Variants in PDZD8 observed in about 807,000 individuals in gnomAD.
PDZD8 encodes PDZ domain-containing protein 8.
A neutral mutation model predicts 85.8 loss-of-function variants in PDZD8; 14 were observed. That is an observed-to-expected ratio of 0.16 (90% CI 0.11 to 0.26). The LOEUF (loss-of-function observed/expected upper bound fraction) is 0.26. Among genes scored for constraint, PDZD8 ranks in the 10% least tolerant of loss-of-function variants. The pLI is 1.00. For missense variants in PDZD8, 1,197 were observed against 1,424.3 expected, an observed-to-expected ratio of 0.84 and a Z score of 2.57; for synonymous variants, 592 against 568.6, an observed-to-expected ratio of 1.04 and a Z score of -0.59.
At chr10:117,287,266 C>T (rs1460776395) in intron 4 of PDZD8, among the ~76,000 whole-genome samples, 1 of 150,560 alleles carries the variant, frequency 6.6e-6, no homozygotes, top group Non-Finnish European at 1.5e-5. Flanking sequence ...GTTCTGATCA[C>T]CTCTCCTCTA....
chr10:117,375,360 C>T lies in PDZD8; in HGVS notation c.-133G>A, dbSNP rs1222179760. 2 of 662,038 alleles carry T rather than the reference C, an allele frequency of 3.0e-6. No homozygotes were observed. Among genetic ancestry groups the T allele is most frequent in the South Asian group, 8.7e-5 (2 of 22,936 alleles). The allele number at this position is 662,038 out of a possible 1,614,324, so 41.0% of individuals were successfully genotyped here. A position where few individuals can be genotyped will look rare whatever the true frequency, so the allele number is the denominator to read the frequency against. On this transcript the variant is annotated 5_prime_UTR_variant, in exon 1 of 5. Coordinates refer to ENST00000334464, the MANE Select transcript of PDZD8 (RefSeq NM_173791.5). ...GGGCGAGCGGCTCCGTGGGCCTCGT[C>T]CAGGGGCTCGGGCCGGCGCGCTGCG...
chr10:117,367,108 A>G (rs954756366), intron 1 of PDZD8, among the ~76,000 whole-genome samples: 4 of 152,186 alleles, frequency 2.6e-5, no homozygotes, highest in African/African-American at 9.6e-5. Flanking sequence ...CTTGTACATT[A>G]CTGATTTGAA....
At chr10:117,294,173 A>G (rs965388649) in intron 3 of PDZD8, among the ~76,000 whole-genome samples, 4 of 152,146 alleles carry the variant, frequency 2.6e-5, no homozygotes, top group African/African-American at 9.6e-5. Flanking sequence ...AATAAAGAAC[A>G]GAAACCAATG....
chr10:117,315,104 T>C (rs974978304), intron 3 of PDZD8, among the ~76,000 whole-genome samples: 1 of 152,142 alleles, frequency 6.6e-6, no homozygotes, highest in African/African-American at 2.4e-5. Flanking sequence ...CCAGAGCCCA[T>C]TTTCATGGTA....
chr10:117,319,570 G>A (rs575047907), intron 2 of PDZD8, among the ~76,000 whole-genome samples: 1 of 152,102 alleles, frequency 6.6e-6, no homozygotes, highest in South Asian at 2.1e-4. Context: ...TGCACACAAG[G>A]CATTTAGCAT....
intron 2 of PDZD8, among the ~76,000 whole-genome samples, chr10:117,334,071 C>T (rs1844474861): frequency 6.6e-6 from 1 of 152,162 alleles, no homozygotes; most frequent in Non-Finnish European, 1.5e-5. Context: ...TCAAATTCTT[C>T]CACAGATTGT....
In PDZD8 at chr10:117,374,230, A is replaced by C; in HGVS notation, c.872+126T>G. 1 of 1,406,696 alleles carries C rather than the reference A, an allele frequency of 7.1e-7. No individual in the cohort carries two copies. Among genetic ancestry groups the C allele is most frequent in the Non-Finnish European group, 9.5e-7 (1 of 1,047,156 alleles). 87.1% of individuals were successfully genotyped at this position (1,406,696 alleles called of 1,614,324 possible). On this transcript the variant is annotated intron_variant, in intron 1 of 4. Coordinates refer to ENST00000334464, the MANE Select transcript of PDZD8 (RefSeq NM_173791.5). The surrounding 1 kb of genome is among the most constrained non-coding windows in gnomAD (Gnocchi z 7.8). ...CTCGCCTTGATCTGGGGCCCTGTCC[A>C]GGGTGGGAAGGCCCCAGAAGCAGGC...
At chr10:117,313,266 C>T (rs953452776) in intron 3 of PDZD8, among the ~76,000 whole-genome samples, 7 of 152,048 alleles carry the variant, frequency 4.6e-5, no homozygotes, top group Non-Finnish European at 1.0e-4. Context: ...AAAATATATA[C>T]CAGATTTCAA....
At chr10:117,372,567 A>C (rs572161304) in intron 1 of PDZD8, among the ~76,000 whole-genome samples, 42 of 152,314 alleles carry the variant, frequency 2.8e-4, no homozygotes, top group Admixed American at 5.2e-4. Context: ...ACTTTTTCTC[A>C]TGACTTTTTT....
chr10:117,358,188 C>CTTA (rs1049065669), intron 1 of PDZD8, among the ~76,000 whole-genome samples: 17 of 152,220 alleles, frequency 1.1e-4, no homozygotes, highest in African/African-American at 4.1e-4. Flanking sequence ...GTTCTGTAAT[C>CTTA]TTAGAGACCT....
chr10:117,341,177 T>A, intron 1 of PDZD8, 75 bp from the exon 2 acceptor site: 1 of 1,489,842 alleles, frequency 6.7e-7, no homozygotes, highest in Non-Finnish European at 9.2e-7. Context: ...AACTCACCTG[T>A]ACAAAAACAC....
At chr10:117,316,810 T>C (rs765341326) in intron 3 of PDZD8, among the ~76,000 whole-genome samples, 2 of 152,184 alleles carry the variant, frequency 1.3e-5, no homozygotes, top group Non-Finnish European at 2.9e-5. Flanking sequence ...GCAGAAAAAT[T>C]AAAATGGCTT....
Position 117,279,807 on chromosome 10 carries a change from A to G in PDZD8, c.*3461T>C, listed in dbSNP as rs1163787419. The G allele has an allele frequency of 1.3e-5, 2 of 152,172 alleles. No homozygotes were observed. The highest frequency in any genetic ancestry group is 2.4e-5 in the African/African-American group (1 of 41,446). The allele number at this position is 152,172 out of a possible 1,614,324, so 9.4% of individuals were successfully genotyped here. A position where few individuals can be genotyped will look rare whatever the true frequency, so the allele number is the denominator to read the frequency against. Reference sequence around the variant, plus strand: ...CTGATACATTTTGAATGGTGTGCCCATGGGTATCTTCCTGCGGTGAAAGTC... The same window carrying G: ...CTGATACATTTTGAATGGTGTGCCCGTGGGTATCTTCCTGCGGTGAAAGTC... On this transcript the variant is annotated 3_prime_UTR_variant, in exon 5 of 5. Transcript: ENST00000334464.
chr10:117,363,217 G>A (rs1455667356), intron 1 of PDZD8, among the ~76,000 whole-genome samples: 2 of 152,058 alleles, frequency 1.3e-5, no homozygotes, highest in African/African-American at 4.8e-5. Flanking sequence ...TAGTAAGACC[G>A]TATAGTCAGC....
intron 3 of PDZD8, among the ~76,000 whole-genome samples, chr10:117,318,132 G>C (rs1844162115): frequency 1.3e-5 from 2 of 152,062 alleles, no homozygotes; most frequent in African/African-American, 2.4e-5. Context: ...TGTAGTACTG[G>C]GTACATGCTT....
chr10:117,324,344 A>T (rs1844279898), intron 2 of PDZD8, among the ~76,000 whole-genome samples: 1 of 152,032 alleles, frequency 6.6e-6, no homozygotes, highest in Non-Finnish European at 1.5e-5. Flanking sequence ...CAAAATTTGT[A>T]AGAGATTCCT....
rs1490516128 is a variant in PDZD8 at position 117,284,281 on chromosome 10, C to T, written c.2452G>A (p.Val818Ile). The T allele has an allele frequency of 6.2e-7, 1 of 1,614,064 alleles. No homozygotes were observed. The change falls in exon 5 of 5, where the codon GTT becomes ATT. Residue 818 changes from valine (V) to isoleucine (I), a missense_variant. Physicochemically the swap from Val to Ile is conservative, Grantham distance 29. Coordinates refer to ENST00000334464, the MANE Select transcript of PDZD8 (RefSeq NM_173791.5). Reference sequence around the variant, plus strand: ...TTAGGGAGAACAGAAACTTCTTCAACCAAATGGGGTTCTTTTTCTTTTTCT... The same window carrying T: ...TTAGGGAGAACAGAAACTTCTTCAATCAAATGGGGTTCTTTTTCTTTTTCT... ...NVEKEKEPHLVEEVSVLPKEE... is the reference protein window; with the variant it reads ...NVEKEKEPHLIEEVSVLPKEE...
At position 117,285,369 on chromosome 10, in the gene PDZD8, C is replaced by A; in HGVS notation, c.1364G>T (p.Gly455Val). 6.2e-7 allele frequency: 1 copy of A among 1,614,124 alleles called. No individual in the cohort carries two copies. Among genetic ancestry groups the A allele is most frequent in the Non-Finnish European group, 8.5e-7 (1 of 1,180,022 alleles). ...YERPVGQSNQ[G>V]AVLQDNFGQL... The stretch of plus-strand genomic sequence containing the variant: ...GCCAAAGTTATCTTGCAGCACTGCA[C>A]CTTGATTACTCTGGCCAACAGGCCT... The change falls in exon 5 of 5, where the codon GGT (glycine) becomes GTT (valine). Residue 455 changes from glycine to valine, a missense_variant. Physicochemically the swap from Gly to Val is moderately radical, Grantham distance 109 (BLOSUM62 -3). Coordinates refer to ENST00000334464, the MANE Select transcript of PDZD8 (RefSeq NM_173791.5).
chr10:117,334,961 G>A (rs543650464), intron 2 of PDZD8, among the ~76,000 whole-genome samples: 1 of 152,040 alleles, frequency 6.6e-6, no homozygotes, highest in East Asian at 1.9e-4. Context: ...GGAAAAAAAG[G>A]CCAAAACAAT....
Sources: gnomAD v4.1 joint callset for allele counts (sites outside exome capture counted in the v4.1 genomes callset) on GRCh38, gnomAD v4.1.1 for gene constraint, Gnocchi (gnomAD v3.1) non-coding constraint, MANE v1.5 for transcripts, NCBI Gene and HGNC (gene_info 2026-07-23, HGNC 2026-07-21) for gene names.